P2RX7: variants seen among roughly 807,000 people sequenced by gnomAD.
The protein encoded by P2RX7 is P2X purinoceptor 7.
A neutral mutation model predicts 71.6 loss-of-function variants in P2RX7; 62 were observed. That is an observed-to-expected ratio of 0.87 (90% CI 0.71 to 1.07). The LOEUF (loss-of-function observed/expected upper bound fraction) is 1.07. Among genes scored for constraint, P2RX7 ranks in the 50% least tolerant of loss-of-function variants. The pLI is 0.00. For synonymous variants in P2RX7, 299 were observed against 283.3 expected (o/e 1.06, Z -0.56); for missense variants, 686 against 748.5 (o/e 0.92, Z 0.97).
Position 121,133,069 on chromosome 12 carries a change from C to G in P2RX7, c.99C>G (p.Phe33Leu), listed in dbSNP as rs1872758286. Residue 33 changes from phenylalanine (F) to leucine (L), a missense_variant, in exon 1 of 13, where the codon TTC becomes TTG. Physicochemically the swap from Phe to Leu is conservative, Grantham distance 22. Transcript: ENST00000328963. ...SMNYGTIKWFFHVIIFSYVCF... is the reference protein window; with the variant it reads ...SMNYGTIKWFLHVIIFSYVCF... ...ATTATGGCACCATTAAGTGGTTCTTCCACGTGATCATCTTTTCCTACGTTT... is the reference window on the plus strand; with the variant it reads ...ATTATGGCACCATTAAGTGGTTCTTGCACGTGATCATCTTTTCCTACGTTT... 2 of 1,614,062 alleles carry G rather than the reference C, an allele frequency of 1.2e-6. No homozygotes were observed. Among genetic ancestry groups the G allele is most frequent in the African/African-American group, 1.3e-5 (1 of 74,940 alleles).
Position 121,186,108 on chromosome 12 carries a change from T to A in P2RX7, c.*1306T>A, listed in dbSNP as rs549461426. 1 of 151,538 alleles carries A rather than the reference T, an allele frequency of 6.6e-6. No individual in the cohort carries two copies. Among genetic ancestry groups the A allele is most frequent in the African/African-American group, 2.4e-5 (1 of 41,090 alleles). 9.4% of individuals were successfully genotyped at this position (151,538 alleles called of 1,614,324 possible). A position where few individuals can be genotyped will look rare whatever the true frequency, so the allele number is the denominator to read the frequency against. The stretch of plus-strand genomic sequence containing the variant: ...TGCCTATCCTGAGACTGCCCTGCTG[T>A]GAGGAAGCCCAAGCAGTCACGTGGA... On this transcript the variant is annotated 3_prime_UTR_variant, in exon 13 of 13. Transcript: ENST00000328963.
chr12:121,179,255 T>C (rs1883696722), intron 11 of P2RX7, among the ~76,000 whole-genome samples: 1 of 152,098 alleles, frequency 6.6e-6, no homozygotes, highest in Non-Finnish European at 1.5e-5. Context: ...TCCCAGTACT[T>C]TGGGAGGCCA....
At chr12:121,142,523 C>T (rs1875140936) in intron 1 of P2RX7, among the ~76,000 whole-genome samples, 1 of 152,180 alleles carries the variant, frequency 6.6e-6, no homozygotes, top group Admixed American at 6.5e-5. Context: ...TCAACTCTAT[C>T]ATATCATGGA....
At chr12:121,160,243 G>A (rs1210930243) in intron 3 of P2RX7, among the ~76,000 whole-genome samples, 60 of 151,878 alleles carry the variant, frequency 4.0e-4, no homozygotes, top group Non-Finnish European at 8.8e-5. Flanking sequence ...CACCTCCCAG[G>A]TTCAAGTGAT....
intron 5 of P2RX7, among the ~76,000 whole-genome samples, chr12:121,162,983 G>GGGA (rs1555226266): frequency 2.0e-5 from 3 of 151,764 alleles, no homozygotes; most frequent in African/African-American, 7.3e-5. Context: ...AAGAGGGGGG[G>GGGA]AAGGAAGTTT....
intron 8 of P2RX7, 70 bp from the exon 9 acceptor site, chr12:121,175,310 CAAAAAAAA>C: frequency 2.2e-6 from 1 of 463,348 alleles, no homozygotes; most frequent in Non-Finnish European, 3.6e-6. Flanking sequence ...GACCCTGTCT[CAAAAAAAA>C]AAAAAAAAAA....
At chr12:121,145,180 G>A (rs958678487) in intron 1 of P2RX7, among the ~76,000 whole-genome samples, 1 of 152,184 alleles carries the variant, frequency 6.6e-6, no homozygotes, top group Non-Finnish European at 1.5e-5. Flanking sequence ...CCTTTAAGGC[G>A]TGGGAGCGCA....
At position 121,172,055 on chromosome 12, in the gene P2RX7, G is replaced by A. The variant is rs568529288; in HGVS notation, c.882-3333G>A. Among the ~76,000 whole-genome samples the A allele has an allele frequency of 2.0e-5, 3 of 151,936 alleles. No homozygotes were observed. The South Asian group carries it at 6.2e-4, about 32-fold the overall frequency. ...TTTTTGCATTTTTAGTACAGACGGG[G>A]TTTCACCATGTTAGCCAGGATGGTC... is the stretch of plus-strand genomic sequence containing the variant. On this transcript the variant is annotated intron_variant, in intron 8 of 12. Transcript: ENST00000328963.
At chr12:121,168,471 G>A (rs373924007) in intron 8 of P2RX7, among the ~76,000 whole-genome samples, 1 of 151,990 alleles carries the variant, frequency 6.6e-6, no homozygotes, top group East Asian at 1.9e-4. Flanking sequence ...GTTTCACTGT[G>A]TTGGCCAGTC....
intron 1 of P2RX7, among the ~76,000 whole-genome samples, chr12:121,139,904 G>C (rs1312333124): frequency 6.6e-6 from 1 of 152,084 alleles, no homozygotes; most frequent in Non-Finnish European, 1.5e-5. Flanking sequence ...GATAATGTCT[G>C]TATTTTTAGT....
At chr12:121,143,414 C>G (rs1216949079) in intron 1 of P2RX7, among the ~76,000 whole-genome samples, 1 of 151,254 alleles carries the variant, frequency 6.6e-6, no homozygotes, top group African/African-American at 2.4e-5. Context: ...ATTAACCAGG[C>G]ATGGTGCTGC....
At chr12:121,176,311 G>A (rs1252027552) in intron 9 of P2RX7, among the ~76,000 whole-genome samples, 2 of 151,724 alleles carry the variant, frequency 1.3e-5, no homozygotes, top group Non-Finnish European at 2.9e-5. Context: ...GCCTTCTGAA[G>A]ATGGAAGGAA....
chr12:121,172,622 T>G (rs570264891), intron 8 of P2RX7, among the ~76,000 whole-genome samples: 1 of 152,112 alleles, frequency 6.6e-6, no homozygotes, highest in East Asian at 1.9e-4. Flanking sequence ...CAGAGCCAGA[T>G]CCTGTCTCAA....
chr12:121,138,769 T>C (rs1335876345), intron 1 of P2RX7, among the ~76,000 whole-genome samples: 1 of 152,212 alleles, frequency 6.6e-6, no homozygotes, highest in Non-Finnish European at 1.5e-5. Flanking sequence ...TGACCCCCTA[T>C]TCTTACCTCG....
intron 4 of P2RX7, 134 bp from the exon 5 acceptor site, chr12:121,162,290 G>A: frequency 1.4e-6 from 2 of 1,451,676 alleles, no homozygotes; most frequent in Middle Eastern, 2.0e-4. Flanking sequence ...GATGGAAGCT[G>A]AAGCTGCGTG....
chr12:121,134,494 C>T lies in P2RX7; in HGVS notation c.125+1399C>T, dbSNP rs191927757. 4.5e-3 allele frequency among the ~76,000 whole-genome samples: 685 copies of T among 152,190 alleles called. 3 individuals are homozygous for T. The highest frequency in any genetic ancestry group is 9.5e-3 in the South Asian group (46 of 4,826). On this transcript the variant is annotated intron_variant, in intron 1 of 12. Coordinates refer to ENST00000328963, the MANE Select transcript of P2RX7 (RefSeq NM_002562.6). ...GCAACCTCCACCTCCCCGGTTCAAG[C>T]GATTCTCCTGCCTCAGCCTCATGAG...
chr12:121,166,651 A>G (rs914800460), intron 7 of P2RX7, among the ~76,000 whole-genome samples: 2 of 152,006 alleles, frequency 1.3e-5, no homozygotes, highest in Non-Finnish European at 2.9e-5. Flanking sequence ...CCTGTGTCCA[A>G]TCTCCCTTTG....
intron 1 of P2RX7, among the ~76,000 whole-genome samples, chr12:121,153,263 T>G (rs1332734490): frequency 2.6e-5 from 4 of 152,246 alleles, no homozygotes; most frequent in African/African-American, 4.8e-5. Context: ...CTGTCTCAGC[T>G]TCCCAAGGTC....
At chr12:121,175,092 T>C (rs1208330369) in intron 8 of P2RX7, among the ~76,000 whole-genome samples, 1 of 152,014 alleles carries the variant, frequency 6.6e-6, no homozygotes, top group East Asian at 1.9e-4. Context: ...GGCAAATCAC[T>C]TGAGCTCAGG....
Sources: gnomAD v4.1 joint callset for allele counts (sites outside exome capture counted in the v4.1 genomes callset) on GRCh38, gnomAD v4.1.1 for gene constraint, MANE v1.5 for transcripts, NCBI Gene and HGNC (gene_info 2026-07-23, HGNC 2026-07-21) for gene names.